The following PREX2 variants were observed in gnomAD, a reference collection of about 807,000 sequenced individuals.
PREX2 encodes phosphatidylinositol 3,4,5-trisphosphate-dependent Rac exchanger 2 protein.
In PREX2, 107 loss-of-function variants were observed where a neutral mutation model predicts 203.2. The observed-to-expected ratio is 0.53, with a 90% CI of 0.45 to 0.62. The LOEUF (loss-of-function observed/expected upper bound fraction) is 0.62. Among genes scored for constraint, PREX2 ranks in the 20% least tolerant of loss-of-function variants. PREX2 has a pLI of 0.00. For synonymous variants in PREX2, 672 were observed against 663.6 expected (o/e 1.01, Z -0.19); for missense variants, 1,777 against 1,955.9 (o/e 0.91, Z 1.72).
chr8:67,955,787 A>G (rs1037157349), intron 1 of PREX2, among the ~76,000 whole-genome samples: 3 of 152,114 alleles, frequency 2.0e-5, no homozygotes, highest in African/African-American at 7.2e-5. Context: ...CTCCCACTCC[A>G]TTTTTAAGGA....
At chr8:67,981,978 A>G (rs1806286271) in intron 1 of PREX2, among the ~76,000 whole-genome samples, 2 of 152,206 alleles carry the variant, frequency 1.3e-5, no homozygotes, top group African/African-American at 2.4e-5. Context: ...TGGTTTAATC[A>G]TCACAACAGA....
intron 4 of PREX2, among the ~76,000 whole-genome samples, chr8:68,024,184 TATTGACAATGCTATGAATTACATGC>T (rs1055564913): frequency 2.0e-5 from 3 of 152,106 alleles, no homozygotes; most frequent in Admixed American, 6.6e-5. Context: ...TATTCATATA[TATTGACAATGCTATGAATTACATGC>T]ATTGACAATG....
intron 35 of PREX2, among the ~76,000 whole-genome samples, chr8:68,164,886 CTTTTTTTT>C (rs71554623): frequency 1.5e-5 from 2 of 133,788 alleles, no homozygotes; most frequent in East Asian, 4.3e-4. Flanking sequence ...CCGGCCAAAC[CTTTTTTTT>C]TTTTTTTTTA....
intron 31 of PREX2, among the ~76,000 whole-genome samples, chr8:68,133,564 C>T (rs1257216714): frequency 2.0e-5 from 3 of 152,210 alleles, no homozygotes; most frequent in East Asian, 1.9e-4. Context: ...AATTGAACAT[C>T]GTATACTCTT....
At chr8:67,988,388 C>T (rs1341590813) in intron 1 of PREX2, among the ~76,000 whole-genome samples, 1 of 152,208 alleles carries the variant, frequency 6.6e-6, no homozygotes, top group Non-Finnish European at 1.5e-5. Context: ...CTGCCATGTG[C>T]CTGGCACAAT....
chr8:68,193,382 A>G (rs1393624061), intron 37 of PREX2, among the ~76,000 whole-genome samples: 2 of 152,214 alleles, frequency 1.3e-5, no homozygotes, highest in African/African-American at 4.8e-5. Context: ...TTACATAGGT[A>G]TACATGTGCC....
At chr8:68,017,185 A>G (rs1460990055) in intron 1 of PREX2, among the ~76,000 whole-genome samples, 1 of 152,110 alleles carries the variant, frequency 6.6e-6, no homozygotes, top group Non-Finnish European at 1.5e-5. Flanking sequence ...ACCACTGAGA[A>G]GAGTCCAAAT....
At chr8:68,125,915 T>C (rs1314525868) in intron 30 of PREX2, among the ~76,000 whole-genome samples, 1 of 152,120 alleles carries the variant, frequency 6.6e-6, no homozygotes, top group East Asian at 1.9e-4. Flanking sequence ...TTTTTATGAT[T>C]CTTAAAACCA....
chr8:68,044,215 C>A (rs1808276692), intron 7 of PREX2, among the ~76,000 whole-genome samples: 1 of 152,038 alleles, frequency 6.6e-6, no homozygotes, highest in Admixed American at 6.6e-5. Flanking sequence ...TTATATTGAG[C>A]AAAAGCACAT....
At chr8:68,224,718 T>C in intron 39 of PREX2, 92 bp downstream of exon 39, 1 of 937,318 alleles carries the variant, frequency 1.1e-6, no homozygotes, top group Non-Finnish European at 1.7e-6. Flanking sequence ...ATCTAGGATG[T>C]GCCCCGTGTC....
intron 2 of PREX2, among the ~76,000 whole-genome samples, chr8:68,019,248 C>T (rs1807492904): frequency 6.6e-6 from 1 of 152,194 alleles, no homozygotes; most frequent in Admixed American, 6.5e-5. Context: ...ATGCCCTTTC[C>T]AGAAAAGCCT....
At chr8:68,121,128 A>G (rs1329050875) in intron 30 of PREX2, 79 bp downstream of exon 30, 13 of 1,412,874 alleles carry the variant, frequency 9.2e-6, no homozygotes, top group Non-Finnish European at 1.3e-5. Context: ...AAGTTTGGTA[A>G]TGCCTGATTA....
chr8:68,001,928 C>G (rs772445411), intron 1 of PREX2, among the ~76,000 whole-genome samples: 30 of 152,050 alleles, frequency 2.0e-4, no homozygotes, highest in Non-Finnish European at 3.1e-4. Context: ...AGAACAGACA[C>G]TGGAGTCTAC....
At chr8:68,131,020 T>A (rs889358575) in intron 31 of PREX2, among the ~76,000 whole-genome samples, 3 of 152,220 alleles carry the variant, frequency 2.0e-5, no homozygotes, top group Non-Finnish European at 2.9e-5. Flanking sequence ...ATAGGCCCAG[T>A]GTACGCCATA....
chr8:68,096,574 A>G (rs1395760412), intron 21 of PREX2, among the ~76,000 whole-genome samples: 1 of 152,188 alleles, frequency 6.6e-6, no homozygotes, highest in Non-Finnish European at 1.5e-5. Context: ...CTGCCAAAAT[A>G]AAATGATTCT....
intron 1 of PREX2, among the ~76,000 whole-genome samples, chr8:68,014,047 T>C (rs561372892): frequency 6.6e-6 from 1 of 152,298 alleles, no homozygotes; most frequent in South Asian, 2.1e-4. Flanking sequence ...ATTTTGTATG[T>C]TGAAATTATA....
At chr8:68,008,056 A>C (rs1268821501) in intron 1 of PREX2, among the ~76,000 whole-genome samples, 1 of 152,212 alleles carries the variant, frequency 6.6e-6, no homozygotes, top group African/African-American at 2.4e-5. Context: ...TAGTTGGCAG[A>C]GTTGGGTTTC....
chr8:68,027,513 A>C (rs562143667), intron 5 of PREX2, among the ~76,000 whole-genome samples, 190 bp downstream of exon 5: 2 of 152,224 alleles, frequency 1.3e-5, no homozygotes, highest in Admixed American at 6.5e-5. Flanking sequence ...TGGAAAAGCC[A>C]CTGAAAGAGC....
At chr8:68,183,860 G>C (rs1812135820) in intron 35 of PREX2, among the ~76,000 whole-genome samples, 1 of 152,074 alleles carries the variant, frequency 6.6e-6, no homozygotes, top group Non-Finnish European at 1.5e-5. Flanking sequence ...ATATGGTAAA[G>C]TCTTACTTTC....
Sources: gnomAD v4.1 joint callset for allele counts (sites outside exome capture counted in the v4.1 genomes callset) on GRCh38, gnomAD v4.1.1 for gene constraint, MANE v1.5 for transcripts, NCBI Gene and HGNC (gene_info 2026-07-23, HGNC 2026-07-21) for gene names.